The following SPEM3 variants were observed in gnomAD, a reference collection of about 807,000 sequenced individuals.
The protein encoded by SPEM3 is SPEM family member 3.
At position 7,432,292 on chromosome 17, in the gene SPEM3, C is replaced by G. The variant is rs1005057405; in HGVS notation, c.3121C>G (p.Pro1041Ala). The change falls in exon 3 of 3, where the codon CCA becomes GCA. Residue 1041 changes from proline (P) to alanine (A), a missense_variant. By Grantham distance (27) the Pro-to-Ala change is conservative. Transcript: ENST00000636696. The surrounding 1 kb of genome is among the most constrained non-coding windows in gnomAD (Gnocchi z 4.1). The part of the protein sequence containing the change: ...FVQLLSLLQT[P>A]KSTLSLMKSS... ...CCAGCTTTTGTCCCTGCTTCAGACC[C>G]CAAAGTCCACACTGTCCCTGATGAA... 2 of 398,596 alleles carry G rather than the reference C, an allele frequency of 5.0e-6. No homozygotes were observed. The highest frequency in any genetic ancestry group is 7.1e-5 in the East Asian group (2 of 28,090). 24.7% of individuals were successfully genotyped at this position (398,596 alleles called of 1,614,324 possible).
rs34662267 is a variant in SPEM3, at chr17:7,429,739, C to A, written c.568C>A (p.Pro190Thr). ...GTTGGACACGGGTCCATGCCACCTGCCCCAAGAGAGCAAGACTAAGACCCC... is the reference window on the plus strand; with the variant it reads ...GTTGGACACGGGTCCATGCCACCTGACCCAAGAGAGCAAGACTAAGACCCC... The part of the protein sequence containing the change: ...SKLDTGPCHL[P>T]QESKTKTPDC... Residue 190 changes from proline (P) to threonine (T), a missense_variant, in exon 3 of 3, where the codon CCC becomes ACC. Transcript: ENST00000636696. This position sits in a 1 kb window ranked among gnomAD's most constrained non-coding sequence, Gnocchi z 4.9. 40,684 of 399,322 alleles carry A rather than the reference C, an allele frequency of 0.1. 2,643 individuals carry two copies. Among genetic ancestry groups the A allele is most frequent in the East Asian group, 0.22 (6,277 of 28,062 alleles). 24.7% of individuals were successfully genotyped at this position (399,322 alleles called of 1,614,324 possible).
Position 7,432,797 on chromosome 17 carries a change from T to A in SPEM3, c.*35T>A. On this transcript the variant is annotated 3_prime_UTR_variant, in exon 3 of 3. Transcript: ENST00000636696. The surrounding 1 kb of genome is among the most constrained non-coding windows in gnomAD (Gnocchi z 4.1). ...TGGACAAAGAGGGGACAAAAGTGCA[T>A]CAGGAATAAAGAGGCGAGAGAAATG... The A allele has an allele frequency of 2.5e-6, 1 of 398,374 alleles. No individual in the cohort carries two copies. Among genetic ancestry groups the A allele is most frequent in the Non-Finnish European group, 4.4e-6 (1 of 226,070 alleles). 24.7% of individuals were successfully genotyped at this position (398,374 alleles called of 1,614,324 possible). A position where few individuals can be genotyped will look rare whatever the true frequency, so the allele number is the denominator to read the frequency against.
In SPEM3 at chr17:7,431,935, C is replaced by T; in HGVS notation, c.2764C>T (p.Gln922Ter). The T allele has an allele frequency of 2.5e-6, 1 of 398,528 alleles. No individual in the cohort carries two copies. Among genetic ancestry groups the T allele is most frequent in the Non-Finnish European group, 4.4e-6 (1 of 226,052 alleles). The allele number at this position is 398,528 out of a possible 1,614,324, so 24.7% of individuals were successfully genotyped here. ...AGACTACAAGAATCCAGGACTTATC[C>T]AAGATTGTGGTGGCCACAAAGTTAA... ...SGDYKNPGLI[Q>*]DCGGHKVKGL... Residue 922 changes from glutamine (Q) to a stop codon, truncating the protein, a stop_gained, in exon 3 of 3, where the codon CAA becomes TAA. Coordinates refer to ENST00000636696, the MANE Select transcript of SPEM3 (RefSeq NM_001364708.1). LOFTEE classifies it low-confidence loss of function (END_TRUNC).
Position 7,432,405 on chromosome 17 carries a change from C to T in SPEM3, c.3234C>T (p.Cys1078=), listed in dbSNP as rs1907859995. Residue 1078 remains cysteine, a synonymous_variant, in exon 3 of 3, where the codon TGC becomes TGT. Transcript: ENST00000636696. This position sits in a 1 kb window ranked among gnomAD's most constrained non-coding sequence, Gnocchi z 4.1. ...WARVQLNENS[C]PSKAQVVSND... ...GTGTCCAACTCAATGAGAACTCCTG[C>T]CCTTCCAAGGCCCAAGTGGTCTCCA... 2.5e-6 allele frequency: 1 copy of T among 398,682 alleles called. No homozygotes were observed. Among genetic ancestry groups the T allele is most frequent in the East Asian group, 3.6e-5 (1 of 28,082 alleles). The allele number at this position is 398,682 out of a possible 1,614,324, so 24.7% of individuals were successfully genotyped here.
In SPEM3 at chr17:7,431,076, C is replaced by T; in HGVS notation, c.1905C>T (p.Ser635=). 2.5e-6 allele frequency: 1 copy of T among 398,944 alleles called. No individual in the cohort carries two copies. The highest frequency in any genetic ancestry group is 4.4e-6 in the Non-Finnish European group (1 of 226,310). 24.7% of individuals were successfully genotyped at this position (398,944 alleles called of 1,614,324 possible). A position where few individuals can be genotyped will look rare whatever the true frequency, so the allele number is the denominator to read the frequency against. ...TVLPTSKSPQ[S]ILTSQFPIPS... is the part of the protein sequence containing the mutation. Reference sequence around the variant, plus strand: ...TTCCAACCTCCAAGTCTCCTCAGTCCATCCTCACTTCCCAATTCCCCATCC... The same window carrying T: ...TTCCAACCTCCAAGTCTCCTCAGTCTATCCTCACTTCCCAATTCCCCATCC... Residue 635 remains serine, a synonymous_variant, in exon 3 of 3, where the codon TCC becomes TCT. Transcript: ENST00000636696.
In SPEM3 at chr17:7,429,017, G is replaced by A. The variant is rs905678044; in HGVS notation, c.115G>A (p.Val39Met). The A allele has an allele frequency of 1.0e-5, 4 of 399,030 alleles. No homozygotes were observed. Among genetic ancestry groups the A allele is most frequent in the Middle Eastern group, 6.2e-4 (1 of 1,616 alleles). The allele number at this position is 399,030 out of a possible 1,614,324, so 24.7% of individuals were successfully genotyped here. Reference protein sequence around the residue: ...LLLGSFILLNVWINVVTLLWK... With the variant: ...LLLGSFILLNMWINVVTLLWK... ...TCTGGGCAGCTTCATCTTGCTCAACGTGTGGATCAATGTGGTGACTCTGGT... is the reference window on the plus strand; with the variant it reads ...TCTGGGCAGCTTCATCTTGCTCAACATGTGGATCAATGTGGTGACTCTGGT... The change falls in exon 1 of 3, where the codon GTG becomes ATG. Residue 39 changes from valine to methionine, a missense_variant. Physicochemically the swap from Val to Met is conservative, Grantham distance 21 (BLOSUM62 1). Coordinates refer to ENST00000636696, the MANE Select transcript of SPEM3 (RefSeq NM_001364708.1). This position sits in a 1 kb window ranked among gnomAD's most constrained non-coding sequence, Gnocchi z 4.9.
rs1173308567 is a variant in SPEM3, at chr17:7,429,975, C to T, written c.804C>T (p.Thr268=). 4.7e-6 allele frequency: 2 copies of T among 424,782 alleles called. No homozygotes were observed. Among genetic ancestry groups the T allele is most frequent in the Non-Finnish European group, 8.2e-6 (2 of 242,714 alleles). The allele number at this position is 424,782 out of a possible 1,614,324, so 26.3% of individuals were successfully genotyped here. ...CCTCAGCCCAGGCCCAAGCCCACAC[C>T]TCAGCCCCTACCCCAGCTCAGACGC... The part of the protein sequence containing the change: ...QDTSAQAQAH[T]SAPTPAQTPA... The change falls in exon 3 of 3, where the codon ACC becomes ACT. Residue 268 remains threonine (T), a synonymous_variant. Transcript: ENST00000636696. The surrounding 1 kb of genome is among the most constrained non-coding windows in gnomAD (Gnocchi z 4.9).
rs945044143 is a variant in SPEM3, at chr17:7,432,180, G to A, written c.3009G>A (p.Gln1003=). Residue 1003 remains glutamine (Q), a synonymous_variant, in exon 3 of 3, where the codon CAG becomes CAA. Coordinates refer to ENST00000636696, the MANE Select transcript of SPEM3 (RefSeq NM_001364708.1). This position sits in a 1 kb window ranked among gnomAD's most constrained non-coding sequence, Gnocchi z 4.1. ...TCCCCAAGATTTCAGGCCTTACCCA[G>A]GAATCTGGCCCCTACAAGAGCTCAT... ...SGLPKISGLT[Q]ESGPYKSSCL... is the part of the protein sequence containing the mutation. The A allele has an allele frequency of 5.0e-6, 2 of 398,506 alleles. No individual in the cohort carries two copies. Among genetic ancestry groups the A allele is most frequent in the Non-Finnish European group, 8.8e-6 (2 of 226,096 alleles). The allele number at this position is 398,506 out of a possible 1,614,324, so 24.7% of individuals were successfully genotyped here. A position where few individuals can be genotyped will look rare whatever the true frequency, so the allele number is the denominator to read the frequency against.
chr17:7,429,853 C>T lies in SPEM3; in HGVS notation c.682C>T (p.Arg228Cys), dbSNP rs1002466485. The change falls in exon 3 of 3, where the codon CGC (arginine) becomes TGC (cysteine). Residue 228 changes from arginine (R) to cysteine (C), a missense_variant. Coordinates refer to ENST00000636696, the MANE Select transcript of SPEM3 (RefSeq NM_001364708.1). This position sits in a 1 kb window ranked among gnomAD's most constrained non-coding sequence, Gnocchi z 4.9. ...PVCTPTHPWTRSTDHTAVHTP... is the reference protein window; with the variant it reads ...PVCTPTHPWTCSTDHTAVHTP... ...GTGCACCCCAACCCACCCCTGGACC[C>T]GCTCCACGGACCACACCGCTGTGCA... The T allele has an allele frequency of 5.0e-6, 2 of 402,472 alleles. No homozygotes were observed. Among genetic ancestry groups the T allele is most frequent in the Non-Finnish European group, 8.8e-6 (2 of 228,516 alleles). The allele number at this position is 402,472 out of a possible 1,614,324, so 24.9% of individuals were successfully genotyped here.
At position 7,429,281 on chromosome 17, in the gene SPEM3, T is replaced by C; in HGVS notation, c.196+34T>C. 2.5e-6 allele frequency: 1 copy of C among 398,544 alleles called. No homozygotes were observed. Among genetic ancestry groups the C allele is most frequent in the East Asian group, 3.6e-5 (1 of 28,076 alleles). The allele number at this position is 398,544 out of a possible 1,614,324, so 24.7% of individuals were successfully genotyped here. A position where few individuals can be genotyped will look rare whatever the true frequency, so the allele number is the denominator to read the frequency against. On this transcript the variant is annotated intron_variant, in intron 2 of 2. Transcript: ENST00000636696. The surrounding 1 kb of genome is among the most constrained non-coding windows in gnomAD (Gnocchi z 4.9). ...GCCCCTGTATGGGCTCCCAGGGATA[T>C]GGGCCTGTCCCCTTTCTCCTATCCC... is the stretch of plus-strand genomic sequence containing the variant.
At position 7,432,074 on chromosome 17, in the gene SPEM3, ACT is replaced by A. The variant is rs1240172550; in HGVS notation, c.2906_2907del (p.Ser969Ter). ...TACAGGAGCTCAGAACATAGCCAAG[ACT>A]CTAATCTCCACAAGTGCCCAGGAAT... is the stretch of plus-strand genomic sequence containing the variant. On this transcript the variant is annotated frameshift_variant, in exon 3 of 3. Transcript: ENST00000636696. LOFTEE classifies it low-confidence loss of function (END_TRUNC). The surrounding 1 kb of genome is among the most constrained non-coding windows in gnomAD (Gnocchi z 4.1). 1 of 398,250 alleles carries A rather than the reference ACT, an allele frequency of 2.5e-6. No individual in the cohort carries two copies. The highest frequency in any genetic ancestry group is 2.1e-5 in the African/African-American group (1 of 48,498). The allele number at this position is 398,250 out of a possible 1,614,324, so 24.7% of individuals were successfully genotyped here. A position where few individuals can be genotyped will look rare whatever the true frequency, so the allele number is the denominator to read the frequency against.
In SPEM3 at chr17:7,432,698, G is replaced by A. The variant is rs1402672146; in HGVS notation, c.3527G>A (p.Arg1176His). The A allele has an allele frequency of 2.5e-6, 1 of 398,652 alleles. No individual in the cohort carries two copies. The allele number at this position is 398,652 out of a possible 1,614,324, so 24.7% of individuals were successfully genotyped here. ...KDKCEALSPRRLHQEAPSNSG... is the reference protein window; with the variant it reads ...KDKCEALSPRHLHQEAPSNSG... ...AAGTGTGAAGCTCTGTCTCCTAGGCGCCTTCATCAAGAGGCACCCAGCAAC... is the reference window on the plus strand; with the variant it reads ...AAGTGTGAAGCTCTGTCTCCTAGGCACCTTCATCAAGAGGCACCCAGCAAC... The change falls in exon 3 of 3, where the codon CGC becomes CAC. Residue 1176 changes from arginine (R) to histidine (H), a missense_variant. By Grantham distance (29) the Arg-to-His change is conservative. Transcript: ENST00000636696. The surrounding 1 kb of genome is among the most constrained non-coding windows in gnomAD (Gnocchi z 4.1).
In SPEM3 at chr17:7,431,033, T is replaced by C. The variant is rs1907814800; in HGVS notation, c.1862T>C (p.Ile621Thr). 2.5e-6 allele frequency: 1 copy of C among 398,620 alleles called. No homozygotes were observed. Among genetic ancestry groups the C allele is most frequent in the Non-Finnish European group, 4.4e-6 (1 of 226,168 alleles). The allele number at this position is 398,620 out of a possible 1,614,324, so 24.7% of individuals were successfully genotyped here. A position where few individuals can be genotyped will look rare whatever the true frequency, so the allele number is the denominator to read the frequency against. Residue 621 changes from isoleucine to threonine, a missense_variant, in exon 3 of 3, where the codon ATA becomes ACA. Coordinates refer to ENST00000636696, the MANE Select transcript of SPEM3 (RefSeq NM_001364708.1). ...AACCATCAGAGGCCTTCCACCTTAA[T>C]ACAAACCCCTACTGTTCTTCCAACC... Reference protein sequence around the residue: ...PTNHQRPSTLIQTPTVLPTSK... With the variant: ...PTNHQRPSTLTQTPTVLPTSK...
Position 7,429,337 on chromosome 17 carries a change from G to T in SPEM3, c.197-31G>T, listed in dbSNP as rs949724557. ...CAGTTCTTAGTCCCTAGGGAACCCG[G>T]GCATTGTCCCCATCCTACCTCTCCC... On this transcript the variant is annotated intron_variant, in intron 2 of 2. Coordinates refer to ENST00000636696, the MANE Select transcript of SPEM3 (RefSeq NM_001364708.1). The surrounding 1 kb of genome is among the most constrained non-coding windows in gnomAD (Gnocchi z 4.9). 4.8e-5 allele frequency: 19 copies of T among 398,402 alleles called. No homozygotes were observed. Among genetic ancestry groups the T allele is most frequent in the Admixed American group, 1.8e-4 (4 of 22,708 alleles). The allele number at this position is 398,402 out of a possible 1,614,324, so 24.7% of individuals were successfully genotyped here.
chr17:7,430,355 C>T lies in SPEM3; in HGVS notation c.1184C>T (p.Ala395Val). The T allele has an allele frequency of 2.4e-6, 1 of 418,002 alleles. No homozygotes were observed. The highest frequency in any genetic ancestry group is 4.2e-6 in the Non-Finnish European group (1 of 238,016). 25.9% of individuals were successfully genotyped at this position (418,002 alleles called of 1,614,324 possible). The change falls in exon 3 of 3, where the codon GCC (alanine) becomes GTC (valine). Residue 395 changes from alanine (A) to valine (V), a missense_variant. Ala to Val is a moderately conservative substitution (Grantham distance 64, BLOSUM62 0). Transcript: ENST00000636696. ...ACTCCTGTCCTAGCTCCAACACCAG[C>T]CCCTGTCCCAGCCTCTGCCCCCAGC... Reference protein sequence around the residue: ...ATTPVLAPTPAPVPASAPSPA... With the variant: ...ATTPVLAPTPVPVPASAPSPA...
In SPEM3 at chr17:7,429,768, C is replaced by G; in HGVS notation, c.597C>G (p.Asp199Glu). 2 of 400,032 alleles carry G rather than the reference C, an allele frequency of 5.0e-6. No homozygotes were observed. Among genetic ancestry groups the G allele is most frequent in the Non-Finnish European group, 8.8e-6 (2 of 227,044 alleles). The allele number at this position is 400,032 out of a possible 1,614,324, so 24.8% of individuals were successfully genotyped here. The change falls in exon 3 of 3, where the codon GAC becomes GAG. Residue 199 changes from aspartate to glutamate, a missense_variant. Asp to Glu is a conservative substitution (Grantham distance 45). Transcript: ENST00000636696. The surrounding 1 kb of genome is among the most constrained non-coding windows in gnomAD (Gnocchi z 4.9). The part of the protein sequence containing the change: ...LPQESKTKTP[D>E]CAPAEAPAQA... ...AAGAGAGCAAGACTAAGACCCCAGA[C>G]TGTGCCCCAGCCGAGGCCCCAGCTC...
rs1044186944 is a variant in SPEM3 at position 7,428,998 on chromosome 17, C to G, written c.96C>G (p.Gly32=). The G allele has an allele frequency of 2.5e-6, 1 of 398,940 alleles. No homozygotes were observed. Among genetic ancestry groups the G allele is most frequent in the Admixed American group, 4.4e-5 (1 of 22,722 alleles). 24.7% of individuals were successfully genotyped at this position (398,940 alleles called of 1,614,324 possible). The change falls in exon 1 of 3, where the codon GGC becomes GGG. Residue 32 remains glycine (G), a synonymous_variant. Transcript: ENST00000636696. ...GAGACTCGATTCTTCTTCTTCTGGGCAGCTTCATCTTGCTCAACGTGTGGA... is the reference window on the plus strand; with the variant it reads ...GAGACTCGATTCTTCTTCTTCTGGGGAGCTTCATCTTGCTCAACGTGTGGA... The part of the protein sequence containing the change: ...DLGDSILLLL[G]SFILLNVWIN...
In SPEM3 at chr17:7,429,229, C is replaced by T. The variant is rs558699926; in HGVS notation, c.178C>T (p.Arg60Cys). 7.5e-6 allele frequency: 3 copies of T among 398,518 alleles called. No individual in the cohort carries two copies. Among genetic ancestry groups the T allele is most frequent in the East Asian group, 3.6e-5 (1 of 28,058 alleles). The allele number at this position is 398,518 out of a possible 1,614,324, so 24.7% of individuals were successfully genotyped here. A position where few individuals can be genotyped will look rare whatever the true frequency, so the allele number is the denominator to read the frequency against. ...GAAGAGCTCCTTGCGGATTCTTTTC[C>T]GTCATTTTTTCCCCAAAGGTGAGTG... ...HLKSSLRILF[R>C]HFFPKDKQPS... The change falls in exon 2 of 3, where the codon CGT becomes TGT. Residue 60 changes from arginine to cysteine, a missense_variant. Coordinates refer to ENST00000636696, the MANE Select transcript of SPEM3 (RefSeq NM_001364708.1). The surrounding 1 kb of genome is among the most constrained non-coding windows in gnomAD (Gnocchi z 4.9).
chr17:7,431,012 A>C lies in SPEM3; in HGVS notation c.1841A>C (p.His614Pro). The change falls in exon 3 of 3, where the codon CAT (histidine) becomes CCT (proline). Residue 614 changes from histidine (H) to proline (P), a missense_variant. By Grantham distance (77) the His-to-Pro change is moderately conservative. Transcript: ENST00000636696. The stretch of plus-strand genomic sequence containing the variant: ...TTTGTCCCTCCTCAACCCACCAACC[A>C]TCAGAGGCCTTCCACCTTAATACAA... ...RSFVPPQPTN[H>P]QRPSTLIQTP... 2.5e-6 allele frequency: 1 copy of C among 398,660 alleles called. No homozygotes were observed. Among genetic ancestry groups the C allele is most frequent in the Non-Finnish European group, 4.4e-6 (1 of 226,224 alleles). The allele number at this position is 398,660 out of a possible 1,614,324, so 24.7% of individuals were successfully genotyped here. A position where few individuals can be genotyped will look rare whatever the true frequency, so the allele number is the denominator to read the frequency against.
Sources: allele counts gnomAD v4.1 joint callset, GRCh38; gene constraint gnomAD v4.1.1; non-coding constraint Gnocchi (gnomAD v3.1); transcripts MANE v1.5; gene names NCBI Gene and HGNC (gene_info 2026-07-23, HGNC 2026-07-21).